The following METTL4 variants were observed in gnomAD, a reference collection of about 807,000 sequenced individuals.
The protein encoded by METTL4 is methyltransferase 4, N6-adenosine.
METTL4 carries 40 observed loss-of-function variants against 54.0 expected under a neutral mutation model. The ratio of observed to expected loss-of-function variants is 0.74; its 90% CI spans 0.58 to 0.96. The LOEUF (loss-of-function observed/expected upper bound fraction) is 0.96. Among genes scored for constraint, METTL4 ranks in the 50% least tolerant of loss-of-function variants. The probability of loss-of-function intolerance (pLI) is 0.00; values close to 1 mark genes in which losing one functional copy is unlikely to be tolerated. For synonymous variants in METTL4, 169 were observed against 183.8 expected, an observed-to-expected ratio of 0.92 and a Z score of 0.65; for missense variants, 525 against 549.0, an observed-to-expected ratio of 0.96 and a Z score of 0.44.
In METTL4 at chr18:2,563,155, C is replaced by T. The variant is rs28393053; in HGVS notation, c.459+642G>A. Among the ~76,000 whole-genome samples the T allele has an allele frequency of 9.2e-3, 1,408 of 152,284 alleles. 28 individuals carry two copies. The highest frequency in any genetic ancestry group is 0.032 in the African/African-American group (1,327 of 41,544). On this transcript the variant is annotated intron_variant, in intron 3 of 8. Coordinates refer to ENST00000574538, the MANE Select transcript of METTL4 (RefSeq NM_022840.5). ...AAACATATCCTTCACATTACTCATG[C>T]TCTCTTCTGCCACTCTCTTAATATA...
chr18:2,543,797 T>A (rs1271180684), intron 8 of METTL4, among the ~76,000 whole-genome samples: 2 of 152,166 alleles, frequency 1.3e-5, no homozygotes, highest in Admixed American at 1.3e-4. Context: ...TAACCAAATA[T>A]CAAGGGACTT....
chr18:2,548,102 T>C (rs4797070), intron 5 of METTL4, among the ~76,000 whole-genome samples: 61,626 of 152,020 alleles, frequency 0.41, 12,986 homozygotes, highest in East Asian at 0.63. Flanking sequence ...TTGCAACCCC[T>C]AATCTATCAT....
intron 3 of METTL4, 143 bp from the exon 4 acceptor site, chr18:2,555,181 T>A: frequency 1.1e-6 from 1 of 907,670 alleles, no homozygotes; most frequent in Non-Finnish European, 1.7e-6. Context: ...ATGAAAAGAA[T>A]GTGTGAGCAC....
chr18:2,553,613 T>C (rs1019403742), intron 4 of METTL4: 1 of 152,198 alleles, frequency 6.6e-6, no homozygotes, highest in African/African-American at 2.4e-5. Context: ...ATTATTATGG[T>C]GTTTGTCAGA....
At position 2,537,589 on chromosome 18, in the gene METTL4, G is replaced by C. The variant is rs2071929931; in HGVS notation, c.*1411C>G. 1 of 296,432 alleles carries C rather than the reference G, an allele frequency of 3.4e-6. No homozygotes were observed. The highest frequency in any genetic ancestry group is 5.0e-5 in the Admixed American group (1 of 19,818). 18.4% of individuals were successfully genotyped at this position (296,432 alleles called of 1,614,324 possible). On this transcript the variant is annotated 3_prime_UTR_variant, in exon 9 of 9. Transcript: ENST00000574538. ...TCCTTTTAAATAACAAGTTAGAATA[G>C]CTCCATAAATACAAAATTAAGCCTC...
Position 2,552,153 on chromosome 18 carries a change from A to G in METTL4, c.899+542T>C, listed in dbSNP as rs553760209. ...GGTTCCAGTGAGCCAAGATCGCGCC[A>G]CTGCACTCCAGCCTGGTAACGGAGT... On this transcript the variant is annotated intron_variant, in intron 5 of 8. Coordinates refer to ENST00000574538, the MANE Select transcript of METTL4 (RefSeq NM_022840.5). Among the ~76,000 whole-genome samples the G allele has an allele frequency of 9.2e-5, 14 of 152,076 alleles. No homozygotes were observed. In the South Asian group the frequency reaches 2.3e-3, roughly 25 times the overall value.
chr18:2,557,594 T>G (rs1334205062), intron 3 of METTL4, among the ~76,000 whole-genome samples: 3 of 152,210 alleles, frequency 2.0e-5, no homozygotes, highest in Non-Finnish European at 4.4e-5. Flanking sequence ...CAGACAGGTT[T>G]GTTTGCAACC....
At chr18:2,555,137 C>G (rs1470107031) in intron 3 of METTL4, 99 bp from the exon 4 acceptor site, 2 of 1,170,444 alleles carry the variant, frequency 1.7e-6, no homozygotes, top group Non-Finnish European at 2.5e-6. Flanking sequence ...AATCAATATC[C>G]TTAACACTTA....
chr18:2,559,753 TTC>T (rs1196851245), intron 3 of METTL4, among the ~76,000 whole-genome samples: 1 of 152,178 alleles, frequency 6.6e-6, no homozygotes, highest in Non-Finnish European at 1.5e-5. Flanking sequence ...TTTTTATTTT[TTC>T]GAGAGGGAGT....
Position 2,539,086 on chromosome 18 carries a change from A to G in METTL4, c.1333T>C (p.Leu445=), listed in dbSNP as rs534920745. The G allele has an allele frequency of 1.7e-5, 28 of 1,613,972 alleles. 1 individual carries two copies. The East Asian group carries it at 2.9e-4, about 17-fold the overall frequency. The change falls in exon 9 of 9, where the codon TTA becomes CTA. Residue 445 remains leucine, a synonymous_variant. Coordinates refer to ENST00000574538, the MANE Select transcript of METTL4 (RefSeq NM_022840.5). ...GEYLELFARN[L]QPGWTSWGNE... is the part of the protein sequence containing the mutation. ...CCCCAACTAGTCCAACCTGGCTGTA[A>G]ATTTCGAGCAAACAACTCCAAATAT...
chr18:2,570,453 A>G (rs2072486307), intron 1 of METTL4, among the ~76,000 whole-genome samples: 1 of 152,236 alleles, frequency 6.6e-6, no homozygotes, highest in South Asian at 2.1e-4. Flanking sequence ...CTTTGGAAGC[A>G]GCAACTATCT....
intron 5 of METTL4, among the ~76,000 whole-genome samples, chr18:2,548,020 C>T (rs2072097753): frequency 6.6e-6 from 1 of 152,172 alleles, no homozygotes; most frequent in African/African-American, 2.4e-5. Flanking sequence ...CTAGAATCCT[C>T]AAACCCTGCA....
At position 2,560,616 on chromosome 18, in the gene METTL4, G is replaced by A. The variant is rs192555525; in HGVS notation, c.459+3181C>T. 5.9e-5 allele frequency among the ~76,000 whole-genome samples: 9 copies of A among 152,250 alleles called. No individual in the cohort carries two copies. In the East Asian group the frequency reaches 1.5e-3, roughly 26 times the overall value. On this transcript the variant is annotated intron_variant, in intron 3 of 8. Coordinates refer to ENST00000574538, the MANE Select transcript of METTL4 (RefSeq NM_022840.5). ...GTAGAGGCCGGGCGCAGTGGCTCAC[G>A]CCTATAATTCCAGCACTTTGGGAGG... is the stretch of plus-strand genomic sequence containing the variant.
intron 3 of METTL4, chr18:2,555,564 G>A (rs73938965): frequency 0.012 from 1,849 of 152,100 alleles, 25 homozygotes; most frequent in South Asian, 0.043. Flanking sequence ...AGATTTCTCT[G>A]GTTATCTAAT....
chr18:2,543,147 T>A (rs2072019766), intron 8 of METTL4, among the ~76,000 whole-genome samples: 1 of 151,220 alleles, frequency 6.6e-6, no homozygotes, highest in Admixed American at 6.6e-5. Context: ...AAAAGGACCC[T>A]TCTCCATAAA....
intron 5 of METTL4, among the ~76,000 whole-genome samples, 159 bp from the exon 6 acceptor site, chr18:2,547,688 T>C (rs1161308454): frequency 1.3e-5 from 2 of 152,196 alleles, no homozygotes; most frequent in Non-Finnish European, 2.9e-5. Context: ...CCAGTGGACA[T>C]ATTATTACAC....
In METTL4 at chr18:2,538,182, AT is replaced by A; in HGVS notation, c.*817del. On this transcript the variant is annotated 3_prime_UTR_variant, in exon 9 of 9. Transcript: ENST00000574538. ...TATTTGTAGAAAATCTATAAATAAT[AT>A]TTTTTTCACAATCACACTGTTTACT... The A allele has an allele frequency of 2.8e-6, 1 of 353,790 alleles. No individual in the cohort carries two copies. The highest frequency in any genetic ancestry group is 5.0e-6 in the Non-Finnish European group (1 of 199,650). The allele number at this position is 353,790 out of a possible 1,614,324, so 21.9% of individuals were successfully genotyped here. A position where few individuals can be genotyped will look rare whatever the true frequency, so the allele number is the denominator to read the frequency against.
At chr18:2,543,563 A>C (rs1598341978) in intron 8 of METTL4, among the ~76,000 whole-genome samples, 1 of 152,200 alleles carries the variant, frequency 6.6e-6, no homozygotes, top group East Asian at 1.9e-4. Flanking sequence ...TGATACAGAA[A>C]AATATTTGAG....
intron 4 of METTL4, 89 bp downstream of exon 4, chr18:2,554,580 G>T: frequency 8.4e-7 from 1 of 1,185,982 alleles, no homozygotes; most frequent in Non-Finnish European, 1.2e-6. Context: ...CATAAATGCT[G>T]ACCCATCTTC....
Sources: allele counts gnomAD v4.1 joint callset (sites outside exome capture counted in the v4.1 genomes callset), GRCh38; gene constraint gnomAD v4.1.1; transcripts MANE v1.5; gene names NCBI Gene and HGNC (gene_info 2026-07-23, HGNC 2026-07-21).